Variants in DTNBP1 observed in about 807,000 individuals in gnomAD.
DTNBP1 encodes the protein dystrobrevin binding protein 1.
DTNBP1 carries 35 observed loss-of-function variants against 42.8 expected under a neutral mutation model. That is an observed-to-expected ratio of 0.82 (90% CI 0.63 to 1.09). DTNBP1 has a LOEUF of 1.09. Ranked by LOEUF, DTNBP1 falls within the 50% of genes least tolerant of loss-of-function variation. DTNBP1 has a pLI of 0.00. For synonymous variants in DTNBP1, 171 were observed against 162.2 expected (o/e 1.05, Z -0.41); for missense variants, 457 against 424.2 (o/e 1.08, Z -0.68).
At chr6:15,653,988 G>A (rs757494425) in intron 1 of DTNBP1, among the ~76,000 whole-genome samples, 10 of 152,094 alleles carry the variant, frequency 6.6e-5, no homozygotes, top group Admixed American at 5.2e-4. Flanking sequence ...TGTCTATAAC[G>A]TCTGATTAAG....
chr6:15,592,245 C>T lies in DTNBP1; in HGVS notation c.511+814G>A, dbSNP rs114393225. Among the ~76,000 whole-genome samples, 558 of 152,202 alleles carry T rather than the reference C, an allele frequency of 3.7e-3. 2 individuals carry two copies. Among genetic ancestry groups the T allele is most frequent in the African/African-American group, 0.012 (519 of 41,538 alleles). On this transcript the variant is annotated intron_variant, in intron 7 of 9. Transcript: ENST00000344537. Reference sequence around the variant, plus strand: ...ATCTAAAGGACAATGCTGGTTTATACGTGAAGTATAATAAGCATAAAACAA... The same window carrying T: ...ATCTAAAGGACAATGCTGGTTTATATGTGAAGTATAATAAGCATAAAACAA...
At chr6:15,617,359 G>GA (rs1012883942) in intron 5 of DTNBP1, among the ~76,000 whole-genome samples, 13 of 149,080 alleles carry the variant, frequency 8.7e-5, no homozygotes, top group East Asian at 2.0e-4. Flanking sequence ...CACAGAAATA[G>GA]AAAAAAAAAA....
At chr6:15,553,167 GTTA>G (rs1416703117) in intron 7 of DTNBP1, among the ~76,000 whole-genome samples, 1 of 152,080 alleles carries the variant, frequency 6.6e-6, no homozygotes, top group Non-Finnish European at 1.5e-5. Flanking sequence ...ATACTGCCCT[GTTA>G]TATTTGCATT....
At chr6:15,540,281 A>G (rs1773481913) in intron 7 of DTNBP1, among the ~76,000 whole-genome samples, 1 of 152,226 alleles carries the variant, frequency 6.6e-6, no homozygotes, top group Non-Finnish European at 1.5e-5. Flanking sequence ...CATGGCTGCC[A>G]AGTGCATTAG....
rs559876733 is a variant in DTNBP1 at position 15,542,016 on chromosome 6, T to A, written c.512-8621A>T. Among the ~76,000 whole-genome samples, 85 of 152,266 alleles carry A rather than the reference T, an allele frequency of 5.6e-4. 1 individual carries two copies. Among genetic ancestry groups the A allele is most frequent in the Middle Eastern group, 6.8e-3 (2 of 294 alleles). ...ACAGTAACACTTACTACATATGAAT[T>A]GAGAAAAATTCTAGTAATCTCTCTA... On this transcript the variant is annotated intron_variant, in intron 7 of 9. Transcript: ENST00000344537.
intron 4 of DTNBP1, among the ~76,000 whole-genome samples, chr6:15,632,790 T>C (rs949057768): frequency 6.6e-6 from 1 of 152,228 alleles, no homozygotes; most frequent in African/African-American, 2.4e-5. Flanking sequence ...TAATGTCAAG[T>C]TAACCTTTTA....
intron 5 of DTNBP1, 131 bp downstream of exon 5, chr6:15,627,212 A>C: frequency 8.4e-7 from 1 of 1,193,634 alleles, no homozygotes; most frequent in Non-Finnish European, 1.2e-6. Flanking sequence ...AAAATATGAA[A>C]TCATGATTTT....
At position 15,522,993 on chromosome 6, in the gene DTNBP1, A is replaced by G. The variant is rs368140032; in HGVS notation, c.1038T>C (p.Gly346=). ...TCCCAATTTAAGAGTCGCTGTCCTC[A>G]CCACCATCCGGAGTGGCCTCTCTGT... ...HTDREATPDG[G]EDSDS Residue 346 remains glycine (G), a synonymous_variant, in exon 10 of 10, where the codon GGT becomes GGC. Transcript: ENST00000344537. The G allele has an allele frequency of 1.9e-6, 3 of 1,614,068 alleles. No individual in the cohort carries two copies. The highest frequency in any genetic ancestry group is 1.3e-5 in the African/African-American group (1 of 74,906).
chr6:15,662,604 T>C (rs1460414385), intron 1 of DTNBP1, among the ~76,000 whole-genome samples: 1 of 151,508 alleles, frequency 6.6e-6, no homozygotes, highest in African/African-American at 2.4e-5. Context: ...GGGGTGCGCG[T>C]CACAGGCGGC....
chr6:15,598,159 T>C (rs1776587546), intron 6 of DTNBP1, among the ~76,000 whole-genome samples: 1 of 152,096 alleles, frequency 6.6e-6, no homozygotes, highest in African/African-American at 2.4e-5. Context: ...AGGGATTGAG[T>C]TATAAAGAAT....
chr6:15,597,020 G>A (rs771548385), intron 6 of DTNBP1, among the ~76,000 whole-genome samples: 8 of 151,916 alleles, frequency 5.3e-5, no homozygotes, highest in African/African-American at 9.7e-5. Flanking sequence ...ATCCATTTTC[G>A]TATACTAAAT....
At chr6:15,638,684 A>G (rs951915290) in intron 3 of DTNBP1, among the ~76,000 whole-genome samples, 1 of 152,214 alleles carries the variant, frequency 6.6e-6, no homozygotes, top group Non-Finnish European at 1.5e-5. Context: ...GTAATGAGAC[A>G]CATCAACATT....
At chr6:15,539,615 C>T (rs867732315) in intron 7 of DTNBP1, among the ~76,000 whole-genome samples, 6 of 152,242 alleles carry the variant, frequency 3.9e-5, no homozygotes, top group African/African-American at 1.4e-4. Context: ...TCTCAACCAA[C>T]ATGTGACAGA....
intron 6 of DTNBP1, among the ~76,000 whole-genome samples, chr6:15,602,994 A>T (rs527649374): frequency 6.6e-6 from 1 of 152,328 alleles, no homozygotes; most frequent in African/African-American, 2.4e-5. Flanking sequence ...TCAGTCCTAA[A>T]CTCTATTTAC....
intron 8 of DTNBP1, among the ~76,000 whole-genome samples, chr6:15,528,714 T>C (rs1461482692): frequency 6.6e-6 from 1 of 152,340 alleles, no homozygotes; most frequent in East Asian, 1.9e-4. Flanking sequence ...GGCAAGAAAT[T>C]TGACAGCATC....
intron 1 of DTNBP1, among the ~76,000 whole-genome samples, chr6:15,657,665 C>G (rs1439829321): frequency 6.6e-6 from 1 of 152,212 alleles, no homozygotes; most frequent in East Asian, 1.9e-4. Flanking sequence ...ATATTCTAGA[C>G]AGTCTGCTAC....
chr6:15,651,532 G>A, intron 2 of DTNBP1, 169 bp from the exon 3 acceptor site: 2 of 846,864 alleles, frequency 2.4e-6, no homozygotes, highest in Non-Finnish European at 3.7e-6. Flanking sequence ...TTAATGTACT[G>A]TATGTAACAC....
At chr6:15,535,945 G>A (rs1022138587) in intron 7 of DTNBP1, among the ~76,000 whole-genome samples, 4 of 152,222 alleles carry the variant, frequency 2.6e-5, no homozygotes, top group African/African-American at 7.2e-5. Context: ...TTAGCAGACT[G>A]GTGGCATTTT....
chr6:15,576,790 A>G (rs1443383522), intron 7 of DTNBP1, among the ~76,000 whole-genome samples: 1 of 150,426 alleles, frequency 6.6e-6, no homozygotes, highest in East Asian at 2.0e-4. Flanking sequence ...AAAAAAAAAA[A>G]GTTGTGAAAG....
Sources: allele counts gnomAD v4.1 joint callset (sites outside exome capture counted in the v4.1 genomes callset), GRCh38; gene constraint gnomAD v4.1.1; transcripts MANE v1.5; gene names NCBI Gene and HGNC (gene_info 2026-07-23, HGNC 2026-07-21).